PCDH15: variants seen among roughly 807,000 people sequenced by gnomAD.
PCDH15 encodes protocadherin related 15.
PCDH15 carries 129 observed loss-of-function variants against 178.5 expected under a neutral mutation model. That is an observed-to-expected ratio of 0.72 (90% CI 0.63 to 0.84). PCDH15 has a LOEUF of 0.84. PCDH15 is among the 40% of genes least tolerant of loss of function. The pLI, the probability that PCDH15 is intolerant of heterozygous loss-of-function variation, is 0.00. For missense variants in PCDH15, 2,230 were observed against 2,099.9 expected (o/e 1.06, Z -1.21); for synonymous variants, 800 against 732.0 (o/e 1.09, Z -1.50).
intron 1 of PCDH15, among the ~76,000 whole-genome samples, chr10:55,291,891 C>T (rs1777679): frequency 0.38 from 57,497 of 151,932 alleles, 11,207 homozygotes; most frequent in Middle Eastern, 0.47. Context: ...GAAACTGCCC[C>T]CTATAAAACC....
At chr10:55,587,345 T>C (rs1168462649) in intron 2 of PCDH15, among the ~76,000 whole-genome samples, 2 of 152,080 alleles carry the variant, frequency 1.3e-5, no homozygotes, top group Non-Finnish European at 2.9e-5. Flanking sequence ...ACAATATTCA[T>C]ATATAAGGCT....
intron 4 of PCDH15, among the ~76,000 whole-genome samples, chr10:54,375,437 A>T (rs1948249805): frequency 6.6e-6 from 1 of 152,142 alleles, no homozygotes; most frequent in Non-Finnish European, 1.5e-5. Flanking sequence ...TCTCCCTGGT[A>T]AACATACAAT....
intron 1 of PCDH15, among the ~76,000 whole-genome samples, chr10:55,212,811 C>G (rs1840603488): frequency 6.6e-6 from 1 of 152,030 alleles, no homozygotes; most frequent in East Asian, 1.9e-4. Flanking sequence ...AATGTACCAT[C>G]TGAATGTCAG....
chr10:54,072,459 A>T (rs2094263267), intron 17 of PCDH15, among the ~76,000 whole-genome samples: 1 of 152,074 alleles, frequency 6.6e-6, no homozygotes, highest in Admixed American at 6.6e-5. Flanking sequence ...AAGGAAAAAA[A>T]TATACATAAA....
At chr10:54,679,738 A>G (rs2094865118) in intron 1 of PCDH15, among the ~76,000 whole-genome samples, 1 of 152,190 alleles carries the variant, frequency 6.6e-6, no homozygotes. Context: ...CTAATTAGAA[A>G]AGTTTTGTTT....
At chr10:54,796,990 C>T (rs1222817165) in intron 1 of PCDH15, among the ~76,000 whole-genome samples, 2 of 152,000 alleles carry the variant, frequency 1.3e-5, no homozygotes, top group Admixed American at 6.6e-5. Flanking sequence ...AGAAAAGGCT[C>T]ATTCTGACAC....
At chr10:54,670,590 T>C (rs2094645304) in intron 1 of PCDH15, among the ~76,000 whole-genome samples, 1 of 152,136 alleles carries the variant, frequency 6.6e-6, no homozygotes, top group Non-Finnish European at 1.5e-5. Flanking sequence ...TAATATTCAG[T>C]TTAGTCTATA....
chr10:53,897,652 C>A (rs560817699), intron 26 of PCDH15, among the ~76,000 whole-genome samples: 2 of 151,978 alleles, frequency 1.3e-5, no homozygotes, highest in Admixed American at 1.3e-4. Flanking sequence ...TTCTTCTTCC[C>A]AAACGGTAAC....
At chr10:55,095,630 T>G (rs1435884891) in intron 2 of PCDH15, among the ~76,000 whole-genome samples, 1 of 152,110 alleles carries the variant, frequency 6.6e-6, no homozygotes, top group East Asian at 1.9e-4. Context: ...TTTTTAAGAT[T>G]ATTTAATTAT....
At chr10:54,432,504 G>A (rs1484290514) in intron 3 of PCDH15, among the ~76,000 whole-genome samples, 7 of 152,034 alleles carry the variant, frequency 4.6e-5, no homozygotes, top group South Asian at 2.1e-4. Context: ...AAAATATGGC[G>A]CTGGGAAAAC....
At position 54,632,280 on chromosome 10, in the gene PCDH15, C is replaced by T. The variant is rs116341614; in HGVS notation, c.91+31892G>A. ...GGAACACTAGCACTGGGAACTACTACAGAGGGAAGAGTAGGAGTGGGTCAA... is the reference window on the plus strand; with the variant it reads ...GGAACACTAGCACTGGGAACTACTATAGAGGGAAGAGTAGGAGTGGGTCAA... On this transcript the variant is annotated intron_variant, in intron 2 of 37. Transcript: ENST00000644397. Among the ~76,000 whole-genome samples the T allele has an allele frequency of 4.1e-3, 621 of 152,058 alleles. 2 individuals are homozygous for T. Among genetic ancestry groups the T allele is most frequent in the African/African-American group, 0.014 (599 of 41,496 alleles).
chr10:54,238,677 TCACACA>T (rs71476326), intron 8 of PCDH15, among the ~76,000 whole-genome samples: 52 of 144,326 alleles, frequency 3.6e-4, no homozygotes, highest in African/African-American at 6.4e-4. Context: ...TCTCTCTCTC[TCACACA>T]CACACACACA....
intron 2 of PCDH15, among the ~76,000 whole-genome samples, chr10:55,506,608 G>A: frequency 6.6e-6 from 1 of 151,498 alleles, no homozygotes; most frequent in Non-Finnish European, 1.5e-5. Context: ...GAGGTATCGA[G>A]GAGGAACAAA....
intron 2 of PCDH15, among the ~76,000 whole-genome samples, chr10:55,457,510 T>C (rs1383075952): frequency 6.6e-6 from 1 of 152,054 alleles, no homozygotes; most frequent in Non-Finnish European, 1.5e-5. Context: ...CATGGAGTTT[T>C]AGAATTAAAA....
chr10:55,109,356 A>G (rs571445613), intron 2 of PCDH15, among the ~76,000 whole-genome samples: 1 of 152,326 alleles, frequency 6.6e-6, no homozygotes, highest in Non-Finnish European at 1.5e-5. Context: ...GTACAACTTT[A>G]TCCAATAAAA....
At chr10:53,972,300 A>G (rs954777514) in intron 21 of PCDH15, among the ~76,000 whole-genome samples, 2 of 151,874 alleles carry the variant, frequency 1.3e-5, no homozygotes, top group Non-Finnish European at 2.9e-5. Context: ...AGATGGATTA[A>G]AGACTTAGAT....
At chr10:54,321,935 A>C (rs1309363303) in intron 7 of PCDH15, among the ~76,000 whole-genome samples, 1 of 152,022 alleles carries the variant, frequency 6.6e-6, no homozygotes, top group African/African-American at 2.4e-5. Context: ...ATCACATAGG[A>C]AAATATATAA....
chr10:54,462,512 C>CTTTTTT lies in PCDH15; in HGVS notation c.157+65294_157+65299dup, dbSNP rs562731025. Among the ~76,000 whole-genome samples the CTTTTTT allele has an allele frequency of 2.2e-3, 150 of 66,894 alleles. 1 individual carries two copies. Among genetic ancestry groups the CTTTTTT allele is most frequent in the East Asian group, 3.1e-3 (7 of 2,266 alleles). The allele number at this position is 66,894 out of a possible 152,430, so 43.9% of individuals were successfully genotyped here. ...TTTCTTTTCTTTTTCTTTTTCTTTT[C>CTTTTTT]TTTTTTTTTTTTTTTTTTTTGAGAT... On this transcript the variant is annotated intron_variant, in intron 3 of 37. Coordinates refer to ENST00000644397, the MANE Select transcript of PCDH15 (RefSeq NM_001384140.1).
chr10:55,408,713 T>C (rs1039283397), intron 2 of PCDH15, among the ~76,000 whole-genome samples: 1 of 152,074 alleles, frequency 6.6e-6, no homozygotes, highest in Non-Finnish European at 1.5e-5. Flanking sequence ...CTATCACAAA[T>C]GCAGAGTGAT....
Sources: gnomAD v4.1 joint callset for allele counts (sites outside exome capture counted in the v4.1 genomes callset) on GRCh38, gnomAD v4.1.1 for gene constraint, MANE v1.5 for transcripts, NCBI Gene and HGNC (gene_info 2026-07-23, HGNC 2026-07-21) for gene names.